The following SUCO variants were observed in gnomAD, a reference collection of about 807,000 sequenced individuals.
SUCO encodes SUN domain-containing ossification factor.
A neutral mutation model predicts 148.1 loss-of-function variants in SUCO; 57 were observed. The observed-to-expected ratio is 0.38, with a 90% confidence interval of 0.31 to 0.48. The LOEUF (loss-of-function observed/expected upper bound fraction) is 0.48. Among genes scored for constraint, SUCO ranks in the 20% least tolerant of loss-of-function variants. The pLI, the probability that SUCO is intolerant of heterozygous loss-of-function variation, is 0.96. For missense variants in SUCO, 1,331 were observed against 1,468.2 expected (o/e 0.91, Z 1.53); for synonymous variants, 470 against 502.7 (o/e 0.93, Z 0.87).
chr1:172,532,572 TCA>T, upstream of SUCO: 1 of 1,613,896 alleles, frequency 6.2e-7, no homozygotes, highest in Non-Finnish European at 8.5e-7. Context: ...GCAGCTTCCC[TCA>T]CAACACACAC....
chr1:172,557,787 A>G lies in SUCO; in HGVS notation c.725A>G (p.Lys242Arg). ...GCATTGAATGCTTCAGATAATTTAAAAAATGAGGTAGGTATATAACTTGCA... is the reference window on the plus strand; with the variant it reads ...GCATTGAATGCTTCAGATAATTTAAGAAATGAGGTAGGTATATAACTTGCA... ...KSALNASDNL[K>R]NESSDYTKPG... Residue 242 changes from lysine to arginine, a missense_variant, in exon 6 of 24, where the codon AAA (lysine) becomes AGA (arginine). Lys to Arg is a conservative substitution (Grantham distance 26, BLOSUM62 2). Around this residue, in one of 3 missense-constraint regions of SUCO, gnomAD observed 992 missense variants for 1,093.5 expected, o/e 0.91. Transcript: ENST00000263688. The G allele has an allele frequency of 6.3e-7, 1 of 1,593,284 alleles. No homozygotes were observed. The highest frequency in any genetic ancestry group is 1.4e-5 in the African/African-American group (1 of 73,748).
chr1:172,551,759 T>G, intron 2 of SUCO, 133 bp downstream of exon 2: 1 of 588,316 alleles, frequency 1.7e-6, no homozygotes, highest in Non-Finnish European at 3.0e-6. Flanking sequence ...TTCTTTGCTA[T>G]TACTCAGGTA....
chr1:172,574,247 G>C (rs936232553), intron 10 of SUCO, among the ~76,000 whole-genome samples: 1 of 152,020 alleles, frequency 6.6e-6, no homozygotes, highest in African/African-American at 2.4e-5. Context: ...AAACAGAAAA[G>C]GGGAGATTAA....
chr1:172,535,815 T>TA (rs1252079776), intron 1 of SUCO, among the ~76,000 whole-genome samples: 3 of 152,224 alleles, frequency 2.0e-5, no homozygotes, highest in Non-Finnish European at 2.9e-5. Flanking sequence ...ATTACTGTGT[T>TA]ATGTTTACTA....
intron 6 of SUCO, chr1:172,568,305 T>TACCCCC: frequency 1.1e-6 from 1 of 905,994 alleles, no homozygotes; most frequent in Non-Finnish European, 1.3e-6. Context: ...ATTCTTTGCT[T>TACCCCC]CCCACCCACC....
rs1486983798 is a variant in SUCO, at chr1:172,589,398, C to T, written c.2297C>T (p.Pro766Leu). 4 of 1,613,652 alleles carry T rather than the reference C, an allele frequency of 2.5e-6. No homozygotes were observed. The highest frequency in any genetic ancestry group is 3.4e-6 in the Non-Finnish European group (4 of 1,179,824). Reference protein sequence around the residue: ...EAGHIPSPVIPQESSVEIDNE... With the variant: ...EAGHIPSPVILQESSVEIDNE... ...GGACATATACCATCACCAGTGATTCCCCAAGAGAGTTCTGTTGAGATCGAT... is the reference window on the plus strand; with the variant it reads ...GGACATATACCATCACCAGTGATTCTCCAAGAGAGTTCTGTTGAGATCGAT... Residue 766 changes from proline (P) to leucine (L), a missense_variant, in exon 18 of 24, where the codon CCC becomes CTC. Pro to Leu is a moderately conservative substitution (Grantham distance 98). This residue lies in a region of SUCO where 992 missense variants were observed against 1,093.5 expected (regional missense o/e 0.91). Transcript: ENST00000263688.
intron 17 of SUCO, among the ~76,000 whole-genome samples, chr1:172,586,276 C>A (rs1004066719): frequency 6.6e-6 from 1 of 151,836 alleles, no homozygotes; most frequent in African/African-American, 2.4e-5. Flanking sequence ...TTTTAAAGGC[C>A]CCCCCTTTTT....
Position 172,547,744 on chromosome 1 carries a change from A to G in SUCO, c.63-3768A>G, listed in dbSNP as rs563750652. ...ACTGGAGAAAGGAATTCTAAAAAAG[A>G]CATTGGATTAATTGACAAAATTGCA... On this transcript the variant is annotated intron_variant, in intron 1 of 23. Coordinates refer to ENST00000263688, the MANE Select transcript of SUCO (RefSeq NM_014283.5). 1.9e-3 allele frequency among the ~76,000 whole-genome samples: 286 copies of G among 152,328 alleles called. 2 individuals are homozygous for G. Among genetic ancestry groups the G allele is most frequent in the African/African-American group, 6.7e-3 (277 of 41,584 alleles).
At chr1:172,556,634 C>G in intron 4 of SUCO, 7 of 984,750 alleles carry the variant, frequency 7.1e-6, no homozygotes, top group Non-Finnish European at 8.4e-6. Flanking sequence ...GTACATAACT[C>G]AAGAATGTAA....
chr1:172,551,785 C>T lies in SUCO; in HGVS notation c.177+159C>T, dbSNP rs1017682400. ...TACTCAGGTAATTCTTAAATTATGA[C>T]GGCTCAGAGATATTTATATGTTTAT... On this transcript the variant is annotated intron_variant, in intron 2 of 23. Transcript: ENST00000263688. The T allele has an allele frequency of 4.5e-5, 25 of 559,376 alleles. 1 individual carries two copies. Among genetic ancestry groups the T allele is most frequent in the East Asian group, 2.4e-4 (8 of 32,966 alleles). The allele number at this position is 559,376 out of a possible 1,614,324, so 34.7% of individuals were successfully genotyped here.
At chr1:172,594,259 G>GT (rs1204395730) in intron 19 of SUCO, among the ~76,000 whole-genome samples, 4 of 150,644 alleles carry the variant, frequency 2.7e-5, no homozygotes, top group East Asian at 3.9e-4. Flanking sequence ...TTTTTGAAGG[G>GT]TTTTTTGTGT....
chr1:172,543,008 G>T, intron 1 of SUCO: 1 of 984,958 alleles, frequency 1.0e-6, no homozygotes, highest in Non-Finnish European at 1.2e-6. Context: ...CCACACATTT[G>T]TTTGGTAGCC....
At chr1:172,547,323 G>A (rs1259680213) in intron 1 of SUCO, among the ~76,000 whole-genome samples, 1 of 152,056 alleles carries the variant, frequency 6.6e-6, no homozygotes, top group East Asian at 1.9e-4. Context: ...CCAGGTTTTC[G>A]CTATTAGGAG....
At chr1:172,535,817 T>C (rs552014561) in intron 1 of SUCO, among the ~76,000 whole-genome samples, 2 of 152,356 alleles carry the variant, frequency 1.3e-5, no homozygotes, top group African/African-American at 4.8e-5. Flanking sequence ...TACTGTGTTA[T>C]GTTTACTATC....
At chr1:172,573,843 AC>A in intron 9 of SUCO, 47 bp from the exon 10 acceptor site, 1 of 1,016,778 alleles carries the variant, frequency 9.8e-7, no homozygotes, top group African/African-American at 1.6e-5. Context: ...TTTAATATGA[AC>A]TGTTATTTTG....
intron 1 of SUCO, among the ~76,000 whole-genome samples, chr1:172,550,588 T>C (rs1339748179): frequency 6.6e-6 from 1 of 152,004 alleles, no homozygotes; most frequent in Non-Finnish European, 1.5e-5. Flanking sequence ...TCTTTTCCAT[T>C]TTTATGCCTC....
chr1:172,585,973 A>G, intron 17 of SUCO, 25 bp downstream of exon 17: 1 of 1,466,856 alleles, frequency 6.8e-7, no homozygotes, highest in Non-Finnish European at 9.3e-7. Flanking sequence ...GATATTAAAT[A>G]GAATTTTGTT....
At chr1:172,544,230 C>G (rs1652705293) in intron 1 of SUCO, 1 of 584,290 alleles carries the variant, frequency 1.7e-6, no homozygotes, top group African/African-American at 2.0e-5. Context: ...TCTTTGTTGC[C>G]TAGTTTAGTT....
At chr1:172,603,140 T>C (rs539080887) in intron 22 of SUCO, 15 of 182,264 alleles carry the variant, frequency 8.2e-5, no homozygotes, top group Non-Finnish European at 1.5e-4. Context: ...CTGCCTCCTC[T>C]TCTTATACAG....
Sources: gnomAD v4.1 joint callset for allele counts (sites outside exome capture counted in the v4.1 genomes callset) on GRCh38, gnomAD v4.1.1 for gene constraint, gnomAD v4.1.1 regional missense constraint, MANE v1.5 for transcripts, NCBI Gene and HGNC (gene_info 2026-07-23, HGNC 2026-07-21) for gene names.